Variants in KIF11 observed in about 807,000 individuals in gnomAD.
The protein encoded by KIF11 is kinesin family member 11.
KIF11 carries 9 observed loss-of-function variants against 121.0 expected under a neutral mutation model. That is an observed-to-expected ratio of 0.07 (90% CI 0.04 to 0.13). The LOEUF (loss-of-function observed/expected upper bound fraction) is 0.13. Among genes scored for constraint, KIF11 ranks in the 10% least tolerant of loss-of-function variants. The pLI is 1.00. For missense variants in KIF11, 846 were observed against 1,217.5 expected (o/e 0.69, Z 4.54); for synonymous variants, 408 against 421.0 (o/e 0.97, Z 0.38).
chr10:92,646,979 A>C (rs1171665074), intron 18 of KIF11, among the ~76,000 whole-genome samples: 1 of 152,252 alleles, frequency 6.6e-6, no homozygotes, highest in African/African-American at 2.4e-5. Context: ...GTGGATGTTA[A>C]TGATGGCTTA....
chr10:92,620,271 A>G (rs951432974), intron 9 of KIF11, among the ~76,000 whole-genome samples: 3 of 151,852 alleles, frequency 2.0e-5, no homozygotes, highest in African/African-American at 7.3e-5. Flanking sequence ...TAGTAGAGAC[A>G]GGGTTTCACC....
chr10:92,603,095 CT>C (rs1462188252), intron 1 of KIF11, among the ~76,000 whole-genome samples: 1 of 151,812 alleles, frequency 6.6e-6, no homozygotes, highest in Non-Finnish European at 1.5e-5. Context: ...TTCTCTCTGC[CT>C]GAAAATTTTT....
At chr10:92,635,435 G>A (rs1844785466) in intron 14 of KIF11, among the ~76,000 whole-genome samples, 1 of 152,250 alleles carries the variant, frequency 6.6e-6, no homozygotes, top group Admixed American at 6.5e-5. Context: ...CTTTCCCGGT[G>A]CATATAAAGG....
At position 92,613,667 on chromosome 10, in the gene KIF11, T is replaced by C; in HGVS notation, c.1032+48T>C. On this transcript the variant is annotated intron_variant, in intron 8 of 21. Coordinates refer to ENST00000260731, the MANE Select transcript of KIF11 (RefSeq NM_004523.4). This position sits in a 1 kb window ranked among gnomAD's most constrained non-coding sequence, Gnocchi z 4.2. ...GCAAGTGTAGTAGCTGTAATTCTTA[T>C]TTGGCTATTATATATTTTAAAAGTT... 1 of 1,542,662 alleles carries C rather than the reference T, an allele frequency of 6.5e-7. No individual in the cohort carries two copies. Among genetic ancestry groups the C allele is most frequent in the Non-Finnish European group, 8.8e-7 (1 of 1,141,430 alleles).
chr10:92,610,095 A>G (rs1844478818), intron 6 of KIF11, among the ~76,000 whole-genome samples: 1 of 152,192 alleles, frequency 6.6e-6, no homozygotes, highest in Non-Finnish European at 1.5e-5. Context: ...ATGGAAGCCC[A>G]GGATAAAATG....
Position 92,613,722 on chromosome 10 carries a change from A to C in KIF11, c.1032+103A>C, listed in dbSNP as rs1041979595. 4.4e-6 allele frequency: 5 copies of C among 1,126,998 alleles called. No homozygotes were observed. The highest frequency in any genetic ancestry group is 6.2e-6 in the Non-Finnish European group (5 of 805,064). The allele number at this position is 1,126,998 out of a possible 1,614,324, so 69.8% of individuals were successfully genotyped here. A position where few individuals can be genotyped will look rare whatever the true frequency, so the allele number is the denominator to read the frequency against. On this transcript the variant is annotated intron_variant, in intron 8 of 21. Coordinates refer to ENST00000260731, the MANE Select transcript of KIF11 (RefSeq NM_004523.4). This position sits in a 1 kb window ranked among gnomAD's most constrained non-coding sequence, Gnocchi z 4.2. The stretch of plus-strand genomic sequence containing the variant: ...TACTAGGATGGACACAGTGACTCAC[A>C]CCTGTAAACCCAGCACTTTGGAAGT...
chr10:92,651,487 C>T (rs1170442448), intron 21 of KIF11, among the ~76,000 whole-genome samples: 1 of 142,758 alleles, frequency 7.0e-6, no homozygotes, highest in Non-Finnish European at 1.5e-5. Context: ...AGGCATGTGC[C>T]ACCATGCCTG....
intron 16 of KIF11, 44 bp from the exon 17 acceptor site, chr10:92,639,750 T>C: frequency 9.5e-7 from 1 of 1,048,710 alleles, no homozygotes; most frequent in Non-Finnish European, 1.5e-6. Context: ...AATGTTCAAG[T>C]GTCATAATTT....
rs2135916166 is a variant in KIF11, at chr10:92,632,550, A to G, written c.1559A>G (p.Lys520Arg). The G allele has an allele frequency of 3.7e-6, 6 of 1,613,912 alleles. No individual in the cohort carries two copies. Among genetic ancestry groups the G allele is most frequent in the East Asian group, 2.2e-5 (1 of 44,864 alleles). Residue 520 changes from lysine to arginine, a missense_variant, in exon 13 of 22, where the codon AAG becomes AGG. Lys to Arg is a conservative substitution (Grantham distance 26, BLOSUM62 2). Around this residue, in one of 5 missense-constraint regions of KIF11, gnomAD observed 492 missense variants for 603.4 expected, o/e 0.82. Transcript: ENST00000260731. ...GGTCTCCATTCCAAACTGGATCGTAAGAAGGCAGTTGACCAACACAATGCA... is the reference window on the plus strand; with the variant it reads ...GGTCTCCATTCCAAACTGGATCGTAGGAAGGCAGTTGACCAACACAATGCA... The part of the protein sequence containing the change: ...VSGLHSKLDR[K>R]KAVDQHNAEA...
intron 1 of KIF11, among the ~76,000 whole-genome samples, chr10:92,600,968 C>G (rs1352297220): frequency 1.3e-5 from 2 of 151,288 alleles, no homozygotes; most frequent in African/African-American, 4.9e-5. Context: ...TCAAGCAGTT[C>G]TCTGCCTCAG....
At chr10:92,622,603 G>A (rs1377115565) in intron 10 of KIF11, among the ~76,000 whole-genome samples, 2 of 151,794 alleles carry the variant, frequency 1.3e-5, no homozygotes, top group Admixed American at 6.6e-5. Flanking sequence ...GAACAAGAGC[G>A]AGACTTCATC....
chr10:92,619,212 T>G (rs1455445893), intron 9 of KIF11, among the ~76,000 whole-genome samples: 1 of 152,154 alleles, frequency 6.6e-6, no homozygotes, highest in Admixed American at 6.5e-5. Flanking sequence ...GAGACGGGGT[T>G]TCACCATGTT....
At chr10:92,631,539 T>C (rs983805644) in intron 12 of KIF11, among the ~76,000 whole-genome samples, 6 of 149,828 alleles carry the variant, frequency 4.0e-5, no homozygotes, top group African/African-American at 1.5e-4. Flanking sequence ...TTTTTTGTAT[T>C]TTTAGTAGAG....
chr10:92,619,049 C>T (rs1444319495), intron 9 of KIF11, among the ~76,000 whole-genome samples: 1 of 152,126 alleles, frequency 6.6e-6, no homozygotes, highest in Non-Finnish European at 1.5e-5. Context: ...TGGAGTCTCA[C>T]TCTGTTGCCC....
At chr10:92,636,697 T>C (rs1844801809) in intron 14 of KIF11, among the ~76,000 whole-genome samples, 1 of 151,874 alleles carries the variant, frequency 6.6e-6, no homozygotes, top group Non-Finnish European at 1.5e-5. Flanking sequence ...ATATAATAAA[T>C]TATTGTATTA....
chr10:92,628,517 C>G (rs1396199001), intron 10 of KIF11, among the ~76,000 whole-genome samples: 3 of 152,170 alleles, frequency 2.0e-5, no homozygotes, highest in Non-Finnish European at 2.9e-5. Context: ...TCTAGCTTCT[C>G]AAATCTGGAA....
rs1209454556 is a variant in KIF11, at chr10:92,613,987, AGTAT to A, written c.1032+371_1032+374del. Among the ~76,000 whole-genome samples the A allele has an allele frequency of 8.2e-5, 12 of 146,756 alleles. No homozygotes were observed. Among genetic ancestry groups the A allele is most frequent in the Non-Finnish European group, 1.5e-4 (10 of 66,770 alleles). On this transcript the variant is annotated intron_variant, in intron 8 of 21. Coordinates refer to ENST00000260731, the MANE Select transcript of KIF11 (RefSeq NM_004523.4). This position sits in a 1 kb window ranked among gnomAD's most constrained non-coding sequence, Gnocchi z 4.2. ...GGAGACCCCATCTCAAAAAAAAAAA[AGTAT>A]GTGTATAAAAAAAAAGAAAAGTATG...
intron 1 of KIF11, among the ~76,000 whole-genome samples, chr10:92,605,403 G>C (rs1380266251): frequency 6.6e-6 from 1 of 151,596 alleles, no homozygotes; most frequent in African/African-American, 2.4e-5. Flanking sequence ...TTTTGTGCCA[G>C]GTATCTACTG....
At chr10:92,637,350 T>G in intron 15 of KIF11, 37 bp from the exon 16 acceptor site, 1 of 1,579,300 alleles carries the variant, frequency 6.3e-7, no homozygotes, top group Non-Finnish European at 8.5e-7. Flanking sequence ...AATTGATGTG[T>G]TGTTTAAGAA....
Sources: gnomAD v4.1 joint callset for allele counts (sites outside exome capture counted in the v4.1 genomes callset) on GRCh38, gnomAD v4.1.1 for gene constraint, gnomAD v4.1.1 regional missense constraint, Gnocchi (gnomAD v3.1) non-coding constraint, MANE v1.5 for transcripts, NCBI Gene and HGNC (gene_info 2026-07-23, HGNC 2026-07-21) for gene names.